The following EPB41L4B variants were observed in gnomAD, a reference collection of about 807,000 sequenced individuals.
The protein encoded by EPB41L4B is erythrocyte membrane protein band 4.1 like 4B, also known as band 4.1-like protein 4B.
Under a neutral mutation model 112.5 loss-of-function variants are expected in EPB41L4B, and 30 were observed. The observed-to-expected ratio is 0.27, with a 90% confidence interval of 0.20 to 0.36. EPB41L4B has a LOEUF of 0.36. Ranked by LOEUF, EPB41L4B falls within the 10% of genes least tolerant of loss-of-function variation. The pLI is 1.00. For synonymous variants in EPB41L4B, 408 were observed against 439.7 expected, an observed-to-expected ratio of 0.93 and a Z score of 0.90; for missense variants, 1,024 against 1,133.3, an observed-to-expected ratio of 0.90 and a Z score of 1.38.
At chr9:109,249,536 T>C (rs1409067904) in intron 13 of EPB41L4B, among the ~76,000 whole-genome samples, 1 of 151,502 alleles carries the variant, frequency 6.6e-6, no homozygotes, top group Non-Finnish European at 1.5e-5. Flanking sequence ...TTGTTTTGGT[T>C]CCCAATATAT....
At chr9:109,314,010 C>T (rs1249621229) in intron 1 of EPB41L4B, among the ~76,000 whole-genome samples, 5 of 152,146 alleles carry the variant, frequency 3.3e-5, no homozygotes, top group Middle Eastern at 3.2e-3. Context: ...GCATTGTAAA[C>T]GAGAAATGAA....
At chr9:109,267,407 A>G (rs1241169055) in intron 4 of EPB41L4B, 66 bp downstream of exon 4, 9 of 989,728 alleles carry the variant, frequency 9.1e-6, no homozygotes, top group Non-Finnish European at 1.4e-5. Flanking sequence ...CACAATTGAG[A>G]AGAGCCATAA....
At chr9:109,299,070 CAG>C (rs1233701911) in intron 1 of EPB41L4B, among the ~76,000 whole-genome samples, 4 of 152,280 alleles carry the variant, frequency 2.6e-5, no homozygotes, top group South Asian at 4.1e-4. Flanking sequence ...GCTGTAAAGA[CAG>C]GGGACATTCT....
chr9:109,245,481 A>G (rs1160089834), intron 14 of EPB41L4B, among the ~76,000 whole-genome samples: 1 of 152,206 alleles, frequency 6.6e-6, no homozygotes, highest in Non-Finnish European at 1.5e-5. Flanking sequence ...GTACACTCAT[A>G]TCCCTTGGAG....
Position 109,185,621 on chromosome 9 carries a change from G to A in EPB41L4B, c.2302-16C>T, listed in dbSNP as rs1320312812. The A allele has an allele frequency of 6.3e-7, 1 of 1,582,470 alleles. No homozygotes were observed. Among genetic ancestry groups the A allele is most frequent in the East Asian group, 2.2e-5 (1 of 44,600 alleles). ...CGGGCTCTGCCTGCTCACGAGGAGA[G>A]GAGAGAAGGGGAGGAGGAGGTGGCA... On this transcript the variant is annotated splice_polypyrimidine_tract_variant and intron_variant, in intron 22 of 25. Transcript: ENST00000374566.
intron 1 of EPB41L4B, among the ~76,000 whole-genome samples, chr9:109,284,105 G>A (rs1046027099): frequency 1.3e-5 from 2 of 151,850 alleles, no homozygotes; most frequent in African/African-American, 2.4e-5. Flanking sequence ...AAGAAAAAAC[G>A]CACTTAATAC....
chr9:109,222,992 G>A (rs1833641232), intron 15 of EPB41L4B, among the ~76,000 whole-genome samples: 1 of 152,072 alleles, frequency 6.6e-6, no homozygotes, highest in Non-Finnish European at 1.5e-5. Flanking sequence ...TCCTACTGGG[G>A]CCTAGCCATA....
chr9:109,225,201 G>A (rs556312023), intron 15 of EPB41L4B, among the ~76,000 whole-genome samples: 3 of 152,306 alleles, frequency 2.0e-5, no homozygotes, highest in African/African-American at 7.2e-5. Flanking sequence ...AACTAATACT[G>A]GTTAGACGGA....
intron 25 of EPB41L4B, among the ~76,000 whole-genome samples, chr9:109,176,186 G>A (rs1376959357): frequency 6.6e-6 from 1 of 151,334 alleles, no homozygotes; most frequent in Non-Finnish European, 1.5e-5. Flanking sequence ...GGAGTGCAGT[G>A]GTGCAATCTC....
At chr9:109,216,877 C>T (rs1833389610) in intron 16 of EPB41L4B, 45 bp downstream of exon 16, 3 of 1,576,862 alleles carry the variant, frequency 1.9e-6, no homozygotes, top group Non-Finnish European at 2.6e-6. Flanking sequence ...TGCCCTGCAG[C>T]ATTGCTCCCC....
intron 2 of EPB41L4B, among the ~76,000 whole-genome samples, chr9:109,272,480 T>A (rs1835661155): frequency 6.6e-6 from 1 of 151,642 alleles, no homozygotes; most frequent in Non-Finnish European, 1.5e-5. Context: ...AGGCCAGGCG[T>A]GGTGGCTCAC....
At chr9:109,245,949 G>C (rs1303317362) in intron 14 of EPB41L4B, among the ~76,000 whole-genome samples, 1 of 152,196 alleles carries the variant, frequency 6.6e-6, no homozygotes, top group Non-Finnish European at 1.5e-5. Context: ...CACACTACAG[G>C]CTATGCGGAG....
At position 109,258,403 on chromosome 9, in the gene EPB41L4B, C is replaced by T. The variant is rs556446920; in HGVS notation, c.632-106G>A. ...TGCATCATTATAAAGCACAGCCCCC[C>T]GCCCCAATGTATAACTCTCTCCTTT... On this transcript the variant is annotated intron_variant, in intron 6 of 25. Transcript: ENST00000374566. 1.6e-4 allele frequency: 189 copies of T among 1,190,516 alleles called. 1 individual carries two copies. The highest frequency in any genetic ancestry group is 7.3e-4 in the South Asian group (52 of 70,958). The allele number at this position is 1,190,516 out of a possible 1,614,324, so 73.7% of individuals were successfully genotyped here.
intron 15 of EPB41L4B, among the ~76,000 whole-genome samples, chr9:109,225,535 C>T (rs1213350296): frequency 3.9e-5 from 6 of 152,198 alleles, no homozygotes; most frequent in Admixed American, 3.9e-4. Context: ...TCTCATGAGA[C>T]TTATTCACTA....
chr9:109,313,916 G>A (rs981138571), intron 1 of EPB41L4B, among the ~76,000 whole-genome samples: 1 of 152,240 alleles, frequency 6.6e-6, no homozygotes, highest in Non-Finnish European at 1.5e-5. Context: ...ACAGATGAAT[G>A]CGCACCCCTA....
chr9:109,187,192 T>C (rs975654492), intron 22 of EPB41L4B, among the ~76,000 whole-genome samples: 3 of 152,202 alleles, frequency 2.0e-5, no homozygotes, highest in Non-Finnish European at 4.4e-5. Context: ...GATATCATCC[T>C]GCTGTGAAGA....
At chr9:109,244,201 G>T (rs1475281280) in intron 14 of EPB41L4B, among the ~76,000 whole-genome samples, 2 of 152,038 alleles carry the variant, frequency 1.3e-5, no homozygotes, top group Non-Finnish European at 2.9e-5. Flanking sequence ...TTTCTCTCTG[G>T]TTTATGCAAT....
At position 109,294,913 on chromosome 9, in the gene EPB41L4B, A is replaced by T. The variant is rs529428533; in HGVS notation, c.307-14992T>A. 3.9e-4 allele frequency among the ~76,000 whole-genome samples: 59 copies of T among 152,322 alleles called. 2 individuals are homozygous for T. The South Asian group carries it at 0.012, about 32-fold the overall frequency. ...AACGTGCAAAGGAGTTGGGGATTGG[A>T]GGGTGTCAGCACAGTGTGGGCTGAG... On this transcript the variant is annotated intron_variant, in intron 1 of 25. Transcript: ENST00000374566.
At chr9:109,199,410 T>C (rs1256324958) in intron 20 of EPB41L4B, among the ~76,000 whole-genome samples, 1 of 152,152 alleles carries the variant, frequency 6.6e-6, no homozygotes, top group Non-Finnish European at 1.5e-5. Flanking sequence ...GGCTCACACC[T>C]GCAGTCCCAG....
Sources: gnomAD v4.1 joint callset for allele counts (sites outside exome capture counted in the v4.1 genomes callset) on GRCh38, gnomAD v4.1.1 for gene constraint, MANE v1.5 for transcripts, NCBI Gene and HGNC (gene_info 2026-07-23, HGNC 2026-07-21) for gene names.